Variants in CCSER2 observed in about 807,000 individuals in gnomAD.
CCSER2 encodes the protein serine-rich coiled-coil domain-containing protein 2.
A neutral mutation model predicts 92.3 loss-of-function variants in CCSER2; 46 were observed. The ratio of observed to expected loss-of-function variants is 0.50; its 90% CI spans 0.39 to 0.64. CCSER2 has a LOEUF of 0.64. Among genes scored for constraint, CCSER2 ranks in the 30% least tolerant of loss-of-function variants. The pLI, the probability that CCSER2 is intolerant of heterozygous loss-of-function variation, is 0.00. For synonymous variants in CCSER2, 433 were observed against 431.4 expected (o/e 1.00, Z -0.04); for missense variants, 1,244 against 1,238.9 (o/e 1.00, Z -0.06).
intron 3 of CCSER2, among the ~76,000 whole-genome samples, chr10:84,387,986 C>T (rs919594703): frequency 2.6e-5 from 4 of 152,156 alleles, no homozygotes; most frequent in Admixed American, 2.0e-4. Flanking sequence ...GCCTCAGCCT[C>T]CTGAGTAGCT....
At chr10:84,410,535 A>G (rs527905380) in intron 3 of CCSER2, among the ~76,000 whole-genome samples, 8 of 151,944 alleles carry the variant, frequency 5.3e-5, no homozygotes, top group Non-Finnish European at 1.0e-4. Context: ...GCTTTTCTTC[A>G]TCTTTGTTGG....
intron 3 of CCSER2, among the ~76,000 whole-genome samples, chr10:84,400,108 G>A (rs1051927685): frequency 6.6e-6 from 1 of 152,016 alleles, no homozygotes; most frequent in Non-Finnish European, 1.5e-5. Flanking sequence ...AGTTGTAAGA[G>A]TTGTTTATAT....
chr10:84,514,581 A>G lies in CCSER2; in HGVS notation c.*314A>G. 3.2e-6 allele frequency: 1 copy of G among 314,958 alleles called. No individual in the cohort carries two copies. The highest frequency in any genetic ancestry group is 6.8e-5 in the East Asian group (1 of 14,666). 19.5% of individuals were successfully genotyped at this position (314,958 alleles called of 1,614,324 possible). The stretch of plus-strand genomic sequence containing the variant: ...TTCATAATATTTTACTGAGCAGGCA[A>G]GAAGTGTGCTTTGCTGGTTTAGTCC... On this transcript the variant is annotated 3_prime_UTR_variant, in exon 10 of 10. Transcript: ENST00000372088.
chr10:84,492,098 T>C (rs1253200803), intron 9 of CCSER2, among the ~76,000 whole-genome samples: 2 of 152,034 alleles, frequency 1.3e-5, no homozygotes, highest in African/African-American at 2.4e-5. Context: ...GCTAACACAA[T>C]GAAACTCTGT....
chr10:84,435,742 T>G (rs957049498), intron 5 of CCSER2, among the ~76,000 whole-genome samples: 8 of 149,966 alleles, frequency 5.3e-5, no homozygotes, highest in African/African-American at 2.0e-4. Context: ...CTTCATAGAG[T>G]TTGTAATTTG....
chr10:84,482,391 T>G (rs1847509525), intron 9 of CCSER2, among the ~76,000 whole-genome samples: 1 of 152,204 alleles, frequency 6.6e-6, no homozygotes. Context: ...AGGTTGTTGG[T>G]TATGCGAGAA....
chr10:84,488,742 G>T (rs1276043735), intron 9 of CCSER2, among the ~76,000 whole-genome samples: 1 of 152,056 alleles, frequency 6.6e-6, no homozygotes, highest in Non-Finnish European at 1.5e-5. Flanking sequence ...ATTTCCTTCA[G>T]TTCTGCTCTG....
chr10:84,387,778 T>G (rs528414119), intron 3 of CCSER2, among the ~76,000 whole-genome samples: 1 of 152,236 alleles, frequency 6.6e-6, no homozygotes, highest in African/African-American at 2.4e-5. Context: ...TCCGCCCACC[T>G]CGGCCTCCCA....
chr10:84,365,642 CAG>C (rs1845740036), intron 1 of CCSER2, among the ~76,000 whole-genome samples: 1 of 152,192 alleles, frequency 6.6e-6, no homozygotes, highest in South Asian at 2.1e-4. Flanking sequence ...ACACCAGTAA[CAG>C]TGTGTCTCTC....
Position 84,441,736 on chromosome 10 carries a change from G to GTTTTTTT in CCSER2, c.2064+3063_2064+3069dup, listed in dbSNP as rs869280119. Among the ~76,000 whole-genome samples the GTTTTTTT allele has an allele frequency of 5.0e-4, 22 of 43,640 alleles. 4 individuals are homozygous for GTTTTTTT. Among genetic ancestry groups the GTTTTTTT allele is most frequent in the South Asian group, 7.7e-4 (1 of 1,300 alleles). The allele number at this position is 43,640 out of a possible 152,430, so 28.6% of individuals were successfully genotyped here. A position where few individuals can be genotyped will look rare whatever the true frequency, so the allele number is the denominator to read the frequency against. The stretch of plus-strand genomic sequence containing the variant: ...GAATAAAGTAGAAGACTGGGAAAAT[G>GTTTTTTT]TTTTTTTTTTTTTTTTTTTTTTTTT... On this transcript the variant is annotated intron_variant, in intron 6 of 9. Coordinates refer to ENST00000372088, the MANE Select transcript of CCSER2 (RefSeq NM_001284240.2).
rs770884931 is a variant in CCSER2 at position 84,371,857 on chromosome 10, A to G, written c.805A>G (p.Met269Val). The change falls in exon 2 of 10, where the codon ATG becomes GTG. Residue 269 changes from methionine to valine, a missense_variant. Physicochemically the swap from Met to Val is conservative, Grantham distance 21. Coordinates refer to ENST00000372088, the MANE Select transcript of CCSER2 (RefSeq NM_001284240.2). The part of the protein sequence containing the change: ...LSIRVPLRSS[M>V]LTRNSRQPEV... The stretch of plus-strand genomic sequence containing the variant: ...CATTAGAGTGCCTCTACGGTCAAGT[A>G]TGCTAACAAGAAATTCCCGGCAGCC... 30 of 1,613,832 alleles carry G rather than the reference A, an allele frequency of 1.9e-5. No homozygotes were observed. The highest frequency in any genetic ancestry group is 2.5e-5 in the Non-Finnish European group (29 of 1,179,884).
intron 6 of CCSER2, among the ~76,000 whole-genome samples, chr10:84,459,355 T>C (rs1845962524): frequency 6.6e-6 from 1 of 152,196 alleles, no homozygotes; most frequent in East Asian, 1.9e-4. Flanking sequence ...ATTTTTTTCT[T>C]TCCTATTCGT....
Position 84,457,033 on chromosome 10 carries a change from G to A in CCSER2, c.2065-6900G>A, listed in dbSNP as rs187653691. On this transcript the variant is annotated intron_variant, in intron 6 of 9. Coordinates refer to ENST00000372088, the MANE Select transcript of CCSER2 (RefSeq NM_001284240.2). ...TTTAAAAATGGGACTAGCTTTTTGGGCAACTATGTACAATTGTGAGGTAAT... is the reference window on the plus strand; with the variant it reads ...TTTAAAAATGGGACTAGCTTTTTGGACAACTATGTACAATTGTGAGGTAAT... 2.8e-3 allele frequency among the ~76,000 whole-genome samples: 413 copies of A among 149,856 alleles called. 1 individual carries two copies. Among genetic ancestry groups the A allele is most frequent in the South Asian group, 5.6e-3 (27 of 4,782 alleles).
chr10:84,433,796 AT>A (rs1357243059), intron 5 of CCSER2, among the ~76,000 whole-genome samples: 3 of 151,910 alleles, frequency 2.0e-5, no homozygotes, highest in Non-Finnish European at 4.4e-5. Flanking sequence ...TGTTGATTTT[AT>A]TGGCAGCACT....
At chr10:84,467,551 G>A (rs1278672605) in intron 7 of CCSER2, among the ~76,000 whole-genome samples, 2 of 151,978 alleles carry the variant, frequency 1.3e-5, no homozygotes, top group African/African-American at 4.8e-5. Flanking sequence ...TAACTGTTGA[G>A]CTCAGAAACC....
At chr10:84,451,687 T>C (rs536184706) in intron 6 of CCSER2, among the ~76,000 whole-genome samples, 2 of 152,250 alleles carry the variant, frequency 1.3e-5, no homozygotes, top group East Asian at 3.9e-4. Flanking sequence ...GTAGGTTCAA[T>C]AAAAAATTTA....
intron 3 of CCSER2, among the ~76,000 whole-genome samples, chr10:84,386,405 C>G (rs956400038): frequency 2.0e-5 from 3 of 152,188 alleles, no homozygotes; most frequent in African/African-American, 7.2e-5. Context: ...CCATGGAATA[C>G]TATGCAACCA....
chr10:84,472,065 A>G (rs960335019), intron 8 of CCSER2, among the ~76,000 whole-genome samples: 3 of 152,154 alleles, frequency 2.0e-5, no homozygotes, highest in African/African-American at 7.2e-5. Context: ...AAGTTAAAAA[A>G]AAGACGAAGT....
chr10:84,355,110 C>T (rs1845089997), intron 1 of CCSER2, among the ~76,000 whole-genome samples: 1 of 152,000 alleles, frequency 6.6e-6, no homozygotes, highest in Non-Finnish European at 1.5e-5. Context: ...CCCTTCTTAA[C>T]CCATCTCCTG....
Sources: allele counts gnomAD v4.1 joint callset (sites outside exome capture counted in the v4.1 genomes callset), GRCh38; gene constraint gnomAD v4.1.1; transcripts MANE v1.5; gene names NCBI Gene and HGNC (gene_info 2026-07-23, HGNC 2026-07-21).